PTHLH: variants seen among roughly 807,000 people sequenced by gnomAD.
The protein encoded by PTHLH is parathyroid hormone like hormone.
Under a neutral mutation model 18.6 loss-of-function variants are expected in PTHLH, and 5 were observed. That is an observed-to-expected ratio of 0.27 (90% CI 0.14 to 0.56). The LOEUF is 0.56. Among genes scored for constraint, PTHLH ranks in the 20% least tolerant of loss-of-function variants. The pLI is 0.92. For missense variants in PTHLH, 207 were observed against 223.9 expected (o/e 0.92, Z 0.48); for synonymous variants, 90 against 94.0 (o/e 0.96, Z 0.25).
intron 5 of PTHLH, among the ~76,000 whole-genome samples, chr12:27,961,477 T>G (rs1261273531): frequency 7.2e-6 from 1 of 138,496 alleles, no homozygotes. Context: ...TATATACATA[T>G]ATGTTTATAT....
Position 27,958,407 on chromosome 12 carries a change from G to T in PTHLH, c.*152C>A. On this transcript the variant is annotated 3_prime_UTR_variant, in exon 6 of 6. Coordinates refer to ENST00000545234, the MANE Select transcript of PTHLH (RefSeq NM_198965.2). Reference sequence around the variant, plus strand: ...TTGGCAAAAAAAAAATATTCACAATGACCAATGTGCAGTTTCATAGAGCAA... The same window carrying T: ...TTGGCAAAAAAAAAATATTCACAATTACCAATGTGCAGTTTCATAGAGCAA... The T allele has an allele frequency of 1.8e-6, 1 of 571,084 alleles. No homozygotes were observed. Among genetic ancestry groups the T allele is most frequent in the South Asian group, 6.5e-5 (1 of 15,488 alleles). 35.4% of individuals were successfully genotyped at this position (571,084 alleles called of 1,614,324 possible). A position where few individuals can be genotyped will look rare whatever the true frequency, so the allele number is the denominator to read the frequency against.
chr12:27,971,599 C>G (rs1329066423), intron 2 of PTHLH, among the ~76,000 whole-genome samples: 1 of 151,966 alleles, frequency 6.6e-6, no homozygotes, highest in Non-Finnish European at 1.5e-5. Context: ...ACGCTGTCAC[C>G]GAGACCCTCG....
chr12:27,962,528 C>G, intron 5 of PTHLH: 1 of 984,870 alleles, frequency 1.0e-6, no homozygotes, highest in Non-Finnish European at 1.2e-6. Context: ...TTATTTGATC[C>G]CAAAGTCTAG....
chr12:27,962,287 G>A, intron 5 of PTHLH: 1 of 229,548 alleles, frequency 4.4e-6, no homozygotes, highest in Non-Finnish European at 8.4e-6. Flanking sequence ...ATAGGTAGAT[G>A]GTACAATCAG....
rs554967059 is a variant in PTHLH at position 27,971,721 on chromosome 12, A to G, written c.-266+206T>C. 1.9e-3 allele frequency among the ~76,000 whole-genome samples: 292 copies of G among 152,188 alleles called. 10 individuals carry two copies. The South Asian group carries it at 0.056, about 29-fold the overall frequency. On this transcript the variant is annotated intron_variant, in intron 2 of 5. Transcript: ENST00000545234. ...AAGCTCCTGCCTTCCTCAGTTCATT[A>G]CTGTAAACCCCGTACCTTAAAAGAC...
chr12:27,961,831 T>A, intron 5 of PTHLH: 1 of 590,020 alleles, frequency 1.7e-6, no homozygotes. Flanking sequence ...GTGAATAGGT[T>A]CAAGGTCCCC....
intron 5 of PTHLH, among the ~76,000 whole-genome samples, chr12:27,961,378 TATAA>T (rs1475087430): frequency 7.0e-6 from 1 of 143,058 alleles, no homozygotes; most frequent in Non-Finnish European, 1.5e-5. Context: ...GATAGATAGA[TATAA>T]ATAGATAGAT....
At chr12:27,970,363 G>C (rs2062858938) in intron 2 of PTHLH, 96 bp from the exon 3 acceptor site, 1 of 148,254 alleles carries the variant, frequency 6.7e-6, no homozygotes, top group South Asian at 1.8e-4. Context: ...GGGCGCGCGG[G>C]GGGCGGGGGC....
intron 5 of PTHLH, 48 bp from the exon 6 acceptor site, chr12:27,958,616 C>T (rs565753719): frequency 1.3e-6 from 2 of 1,521,964 alleles, no homozygotes; most frequent in Non-Finnish European, 1.8e-6. Context: ...GGTTAGTTTT[C>T]TTTACAAATG....
Position 27,969,552 on chromosome 12 carries a change from T to A in PTHLH, c.-22-36A>T, listed in dbSNP as rs6242. ...AGGGAATGGGACCCGAGTGTCAGTCTGGACTCTCCATCTCCCCGCACTACT... is the reference window on the plus strand; with the variant it reads ...AGGGAATGGGACCCGAGTGTCAGTCAGGACTCTCCATCTCCCCGCACTACT... On this transcript the variant is annotated intron_variant, in intron 3 of 5. Transcript: ENST00000545234. 0.17 allele frequency: 256,859 copies of A among 1,494,294 alleles called. 23,551 individuals carry two copies. Among genetic ancestry groups the A allele is most frequent in the Middle Eastern group, 0.21 (1,255 of 5,896 alleles). The allele number at this position is 1,494,294 out of a possible 1,614,324, so 92.6% of individuals were successfully genotyped here. A position where few individuals can be genotyped will look rare whatever the true frequency, so the allele number is the denominator to read the frequency against.
chr12:27,960,129 G>A (rs1216561614), intron 5 of PTHLH, among the ~76,000 whole-genome samples: 1 of 152,164 alleles, frequency 6.6e-6, no homozygotes, highest in Admixed American at 6.5e-5. Context: ...GAATAGCCAA[G>A]TAAAACACCT....
Position 27,969,021 on chromosome 12 carries a change from C to T in PTHLH, c.101+373G>A, listed in dbSNP as rs561298855. ...GTATACAAGCGCGCAGGCCATACGT[C>T]CCCAGGACCGCTCAGCTTCCTCCGA... On this transcript the variant is annotated intron_variant, in intron 4 of 5. Coordinates refer to ENST00000545234, the MANE Select transcript of PTHLH (RefSeq NM_198965.2). 97 of 287,708 alleles carry T rather than the reference C, an allele frequency of 3.4e-4. 1 individual carries two copies. The highest frequency in any genetic ancestry group is 1.8e-3 in the African/African-American group (85 of 46,526). 17.8% of individuals were successfully genotyped at this position (287,708 alleles called of 1,614,324 possible).
In PTHLH at chr12:27,969,617, A is replaced by G. The variant is rs1260905061; in HGVS notation, c.-22-101T>C. ...TAGCCCGCTCTCAAAAAGCCTCTTCAACATCAAGGGCATCTCCCAAGTTGA... is the reference window on the plus strand; with the variant it reads ...TAGCCCGCTCTCAAAAAGCCTCTTCGACATCAAGGGCATCTCCCAAGTTGA... On this transcript the variant is annotated intron_variant, in intron 3 of 5. Coordinates refer to ENST00000545234, the MANE Select transcript of PTHLH (RefSeq NM_198965.2). The G allele has an allele frequency of 8.6e-6, 9 of 1,047,766 alleles. No homozygotes were observed. The East Asian group carries it at 1.7e-4, about 19-fold the overall frequency. 64.9% of individuals were successfully genotyped at this position (1,047,766 alleles called of 1,614,324 possible). A position where few individuals can be genotyped will look rare whatever the true frequency, so the allele number is the denominator to read the frequency against.
chr12:27,966,615 A>C (rs974530549), intron 4 of PTHLH, among the ~76,000 whole-genome samples: 21 of 152,212 alleles, frequency 1.4e-4, no homozygotes, highest in African/African-American at 5.1e-4. Flanking sequence ...ATTTGTCTGT[A>C]AACATTACAT....
chr12:27,964,616 A>C (rs1234947841), intron 4 of PTHLH, among the ~76,000 whole-genome samples: 1 of 151,650 alleles, frequency 6.6e-6, no homozygotes, highest in East Asian at 1.9e-4. Flanking sequence ...TTTTTTTTTA[A>C]ATTTAGAACT....
At chr12:27,966,108 G>A (rs1222226804) in intron 4 of PTHLH, among the ~76,000 whole-genome samples, 6 of 152,098 alleles carry the variant, frequency 3.9e-5, no homozygotes, top group Non-Finnish European at 8.8e-5. Flanking sequence ...CCTTCTCATG[G>A]GCATATGTGC....
intron 4 of PTHLH, among the ~76,000 whole-genome samples, chr12:27,964,585 T>C (rs2062795468): frequency 6.6e-6 from 1 of 152,130 alleles, no homozygotes; most frequent in Non-Finnish European, 1.5e-5. Context: ...GAGCTCATTC[T>C]ATTTCTTCTG....
chr12:27,964,280 T>TCTCTCA (rs147712936), intron 4 of PTHLH, among the ~76,000 whole-genome samples: 52 of 140,506 alleles, frequency 3.7e-4, no homozygotes, highest in South Asian at 7.0e-4. Context: ...TCTCTCTCTC[T>TCTCTCA]CACACACACA....
intron 5 of PTHLH, 85 bp from the exon 6 acceptor site, chr12:27,958,653 C>T (rs2062730634): frequency 1.5e-6 from 2 of 1,292,070 alleles, no homozygotes; most frequent in Non-Finnish European, 2.1e-6. Context: ...AGGATATAAG[C>T]TAAGGAATGC....
Sources: gnomAD v4.1 joint callset for allele counts (sites outside exome capture counted in the v4.1 genomes callset) on GRCh38, gnomAD v4.1.1 for gene constraint, MANE v1.5 for transcripts, NCBI Gene and HGNC (gene_info 2026-07-23, HGNC 2026-07-21) for gene names.